The following RRM1 variants were observed in gnomAD, a reference collection of about 807,000 sequenced individuals.
RRM1 encodes the protein ribonucleotide reductase catalytic subunit M1, also known as ribonucleoside-diphosphate reductase large subunit.
Under a neutral mutation model 101.5 loss-of-function variants are expected in RRM1, and 19 were observed. The observed-to-expected ratio is 0.19, with a 90% confidence interval of 0.13 to 0.27. RRM1 has a LOEUF of 0.27. Among genes scored for constraint, RRM1 ranks in the 10% least tolerant of loss-of-function variants. RRM1 has a pLI of 1.00. For missense variants in RRM1, 500 were observed against 962.9 expected, an observed-to-expected ratio of 0.52 and a Z score of 6.36; for synonymous variants, 298 against 323.4, an observed-to-expected ratio of 0.92 and a Z score of 0.84.
intron 1 of RRM1, among the ~76,000 whole-genome samples, chr11:4,096,168 G>A: frequency 6.6e-6 from 1 of 152,120 alleles, no homozygotes; most frequent in Non-Finnish European, 1.5e-5. Flanking sequence ...TGGGACTATA[G>A]GCATGCACCA....
intron 17 of RRM1, among the ~76,000 whole-genome samples, 159 bp from the exon 18 acceptor site, chr11:4,134,923 C>A (rs1473729095): frequency 6.6e-6 from 1 of 152,144 alleles, no homozygotes; most frequent in Non-Finnish European, 1.5e-5. Context: ...TCTAAATAGT[C>A]TTGGTAAACT....
chr11:4,112,223 G>T (rs753710112), intron 7 of RRM1, among the ~76,000 whole-genome samples, 161 bp downstream of exon 7: 3 of 152,174 alleles, frequency 2.0e-5, no homozygotes, highest in Non-Finnish European at 4.4e-5. Context: ...TAAATGAATT[G>T]GAGAAAAGGC....
chr11:4,104,704 C>A lies in RRM1; in HGVS notation c.109-1342C>A, dbSNP rs372089861. Among the ~76,000 whole-genome samples, 11 of 152,216 alleles carry A rather than the reference C, an allele frequency of 7.2e-5. No individual in the cohort carries two copies. The South Asian group carries it at 2.1e-3, about 29-fold the overall frequency. ...GTGATTGTGAAATGTCAGAGATTAT[C>A]AAAGTTGATAATTACTTATCAACTT... On this transcript the variant is annotated intron_variant, in intron 2 of 18. Coordinates refer to ENST00000300738, the MANE Select transcript of RRM1 (RefSeq NM_001033.5).
intron 15 of RRM1, among the ~76,000 whole-genome samples, chr11:4,131,447 T>C (rs980371031): frequency 3.3e-5 from 5 of 152,196 alleles, no homozygotes; most frequent in Non-Finnish European, 7.3e-5. Flanking sequence ...TCCATAGGTA[T>C]AGAATGTAGG....
At chr11:4,134,572 G>A (rs564775990) in intron 17 of RRM1, among the ~76,000 whole-genome samples, 2 of 147,316 alleles carry the variant, frequency 1.4e-5, no homozygotes, top group Non-Finnish European at 2.9e-5. Flanking sequence ...GCCAGTCTGT[G>A]TGTTTTAATG....
chr11:4,111,067 G>T (rs1037679395), intron 5 of RRM1, among the ~76,000 whole-genome samples: 2 of 152,000 alleles, frequency 1.3e-5, no homozygotes, highest in Non-Finnish European at 2.9e-5. Flanking sequence ...TGCAGTCTCT[G>T]CCGAAACAAA....
intron 1 of RRM1, among the ~76,000 whole-genome samples, chr11:4,096,477 G>A (rs2094543670): frequency 6.6e-6 from 1 of 152,232 alleles, no homozygotes; most frequent in South Asian, 2.1e-4. Flanking sequence ...TTTAACTACA[G>A]ACAAGAGTTG....
intron 12 of RRM1, 117 bp from the exon 13 acceptor site, chr11:4,126,566 CA>C: frequency 1.2e-6 from 1 of 837,584 alleles, no homozygotes; most frequent in Non-Finnish European, 1.8e-6. Context: ...AGGGAGAAGT[CA>C]AATATAAAAA....
At chr11:4,111,725 G>C in intron 6 of RRM1, 85 bp downstream of exon 6, 1 of 1,299,026 alleles carries the variant, frequency 7.7e-7, no homozygotes, top group Admixed American at 2.1e-5. Context: ...TAATATTCTT[G>C]CTTAGACTCT....
At chr11:4,108,416 G>A (rs1018629509) in intron 4 of RRM1, among the ~76,000 whole-genome samples, 3 of 151,898 alleles carry the variant, frequency 2.0e-5, no homozygotes, top group African/African-American at 7.3e-5. Context: ...GGCTAACACG[G>A]TGAAACCCCG....
intron 15 of RRM1, among the ~76,000 whole-genome samples, chr11:4,130,086 A>ATATATATATATATTTTTT (rs1202870487): frequency 6.0e-5 from 6 of 99,442 alleles, no homozygotes; most frequent in African/African-American, 3.2e-4. Context: ...ATATATATAT[A>ATATATATATATATTTTTT]TTTTTTTTTT....
intron 12 of RRM1, 50 bp downstream of exon 12, chr11:4,123,434 G>GTTA: frequency 7.0e-7 from 1 of 1,436,270 alleles, no homozygotes; most frequent in South Asian, 1.2e-5. Context: ...ACCTTAGGCA[G>GTTA]TTATTATTTG....
At chr11:4,111,171 C>T (rs1031143587) in intron 5 of RRM1, among the ~76,000 whole-genome samples, 2 of 151,732 alleles carry the variant, frequency 1.3e-5, no homozygotes, top group African/African-American at 2.4e-5. Context: ...CTCTACAAAA[C>T]GTTTTAAAAA....
At chr11:4,117,082 A>G (rs1467557161) in intron 7 of RRM1, among the ~76,000 whole-genome samples, 1 of 152,240 alleles carries the variant, frequency 6.6e-6, no homozygotes, top group Non-Finnish European at 1.5e-5. Flanking sequence ...AACGTCTGAG[A>G]TGTTAAACTG....
chr11:4,108,227 C>T (rs1437205159), intron 4 of RRM1, among the ~76,000 whole-genome samples: 2 of 152,172 alleles, frequency 1.3e-5, no homozygotes, highest in African/African-American at 2.4e-5. Flanking sequence ...AAGATGTAGC[C>T]TAGCCAGCCC....
intron 18 of RRM1, 47 bp from the exon 19 acceptor site, chr11:4,138,148 T>C (rs1419107853): frequency 9.1e-7 from 1 of 1,096,712 alleles, no homozygotes; most frequent in African/African-American, 1.5e-5. Flanking sequence ...GAATGTCTAG[T>C]ATTCTCACAG....
At chr11:4,105,835 G>A (rs1056390378) in intron 2 of RRM1, 3 of 533,130 alleles carry the variant, frequency 5.6e-6, no homozygotes, top group Non-Finnish European at 1.0e-5. Context: ...AAAGTGCTGT[G>A]ATTATGGGTG....
Position 4,138,659 on chromosome 11 carries a change from T to C in RRM1, c.*276T>C, listed in dbSNP as rs1461795122. The C allele has an allele frequency of 7.4e-6, 2 of 271,282 alleles. No homozygotes were observed. Among genetic ancestry groups the C allele is most frequent in the East Asian group, 1.1e-4 (2 of 18,240 alleles). The allele number at this position is 271,282 out of a possible 1,614,324, so 16.8% of individuals were successfully genotyped here. ...AGTTTTAGGAATGCAAAATAAGTCA[T>C]CTTGCATACAGGGAGTGGTTAAGTA... On this transcript the variant is annotated 3_prime_UTR_variant, in exon 19 of 19. Transcript: ENST00000300738.
chr11:4,105,253 G>T (rs894270517), intron 2 of RRM1, among the ~76,000 whole-genome samples: 1 of 152,108 alleles, frequency 6.6e-6, no homozygotes, highest in African/African-American at 2.4e-5. Context: ...TTGAGACAGG[G>T]TCTCATTGTG....
Sources: allele counts gnomAD v4.1 joint callset (sites outside exome capture counted in the v4.1 genomes callset), GRCh38; gene constraint gnomAD v4.1.1; transcripts MANE v1.5; gene names NCBI Gene and HGNC (gene_info 2026-07-23, HGNC 2026-07-21).